ST18: variants seen among roughly 807,000 people sequenced by gnomAD.
ST18 encodes suppression of tumorigenicity 18 protein.
Under a neutral mutation model 110.0 loss-of-function variants are expected in ST18, and 50 were observed. That is an observed-to-expected ratio of 0.45 (90% CI 0.36 to 0.58). The LOEUF (loss-of-function observed/expected upper bound fraction) is 0.58. Ranked by LOEUF, ST18 falls within the 20% of genes least tolerant of loss-of-function variation. The pLI, the probability that ST18 is intolerant of heterozygous loss-of-function variation, is 0.00. For synonymous variants in ST18, 461 were observed against 452.4 expected (o/e 1.02, Z -0.24); for missense variants, 1,306 against 1,280.1 (o/e 1.02, Z -0.31).
At chr8:52,295,783 T>C (rs1175601598) in intron 2 of ST18, among the ~76,000 whole-genome samples, 1 of 151,232 alleles carries the variant, frequency 6.6e-6, no homozygotes, top group African/African-American at 2.4e-5. Context: ...AGAAAATAGT[T>C]TGTTGAAACT....
chr8:52,376,595 T>C (rs1344727426), intron 2 of ST18, among the ~76,000 whole-genome samples: 2 of 151,836 alleles, frequency 1.3e-5, no homozygotes, highest in South Asian at 4.1e-4. Context: ...GGTTCACTTA[T>C]TTATTACTGC....
At chr8:52,299,212 T>C (rs570081809) in intron 2 of ST18, among the ~76,000 whole-genome samples, 1 of 152,274 alleles carries the variant, frequency 6.6e-6, no homozygotes, top group East Asian at 1.9e-4. Flanking sequence ...ATGTGTAAAC[T>C]TCTCAGCCAT....
chr8:52,152,257 A>T (rs544973630), intron 15 of ST18, among the ~76,000 whole-genome samples: 204 of 152,310 alleles, frequency 1.3e-3, no homozygotes, highest in Non-Finnish European at 2.1e-3. Context: ...TAGATAGGCG[A>T]TCACACGTTT....
intron 2 of ST18, among the ~76,000 whole-genome samples, chr8:52,324,508 C>G (rs1306916620): frequency 6.6e-6 from 1 of 152,106 alleles, no homozygotes; most frequent in Non-Finnish European, 1.5e-5. Flanking sequence ...AGCAAAAAGA[C>G]AAGGCTCTCC....
chr8:52,265,762 T>C (rs2094847562), intron 2 of ST18, among the ~76,000 whole-genome samples: 1 of 152,164 alleles, frequency 6.6e-6, no homozygotes, highest in African/African-American at 2.4e-5. Context: ...AAGAATAAAA[T>C]TACTATTTGG....
intron 2 of ST18, among the ~76,000 whole-genome samples, chr8:52,267,646 C>T (rs982854168): frequency 1.4e-4 from 22 of 152,106 alleles, no homozygotes; most frequent in Non-Finnish European, 1.8e-4. Context: ...CAAAAAAGCA[C>T]GGTGGAATAA....
At chr8:52,165,093 C>T (rs2062517110) in intron 12 of ST18, 42 bp downstream of exon 12, 2 of 1,599,958 alleles carry the variant, frequency 1.3e-6, no homozygotes, top group African/African-American at 2.7e-5. Flanking sequence ...GTTTCTACCA[C>T]ATTTTTTAAA....
intron 2 of ST18, among the ~76,000 whole-genome samples, chr8:52,389,772 A>G (rs879796589): frequency 6.6e-6 from 1 of 152,190 alleles, no homozygotes; most frequent in Non-Finnish European, 1.5e-5. Flanking sequence ...GGTCACAGGA[A>G]GCTGCTCTCT....
intron 6 of ST18, 176 bp from the exon 7 acceptor site, chr8:52,214,433 G>A (rs570051784): frequency 3.8e-4 from 224 of 591,914 alleles, no homozygotes; most frequent in Admixed American, 8.1e-4. Context: ...ACCAGCTTTG[G>A]AAATACATCT....
intron 2 of ST18, among the ~76,000 whole-genome samples, chr8:52,266,978 A>C (rs1246655396): frequency 6.6e-6 from 1 of 152,098 alleles, no homozygotes; most frequent in Non-Finnish European, 1.5e-5. Flanking sequence ...ATTAAGCCTT[A>C]AGCTGGTGAA....
chr8:52,250,521 A>G (rs770334368), intron 2 of ST18, among the ~76,000 whole-genome samples: 3 of 151,282 alleles, frequency 2.0e-5, no homozygotes, highest in Non-Finnish European at 4.4e-5. Context: ...CCACAGTACA[A>G]GTAAATGCAT....
At chr8:52,153,166 A>G (rs1328332017) in intron 15 of ST18, among the ~76,000 whole-genome samples, 1 of 152,260 alleles carries the variant, frequency 6.6e-6, no homozygotes, top group Non-Finnish European at 1.5e-5. Flanking sequence ...TGAAGTAAAA[A>G]TAAAATTGGA....
At chr8:52,341,193 G>GTTCTGT (rs1487587678) in intron 2 of ST18, among the ~76,000 whole-genome samples, 1 of 152,112 alleles carries the variant, frequency 6.6e-6, no homozygotes, top group Admixed American at 6.6e-5. Flanking sequence ...AAAGTTTTGT[G>GTTCTGT]TTTTGTTTTT....
intron 24 of ST18, 50 bp from the exon 25 acceptor site, chr8:52,116,468 G>T: frequency 1.9e-6 from 3 of 1,565,130 alleles, no homozygotes; most frequent in Non-Finnish European, 2.6e-6. Flanking sequence ...TGGAAGGAGT[G>T]TAAAAGGTTT....
intron 2 of ST18, among the ~76,000 whole-genome samples, chr8:52,298,359 G>A (rs1383405765): frequency 6.6e-6 from 1 of 152,154 alleles, no homozygotes; most frequent in African/African-American, 2.4e-5. Context: ...ACTATAAAGG[G>A]ATGTTTCTGA....
At chr8:52,243,447 A>G (rs1176925550) in intron 2 of ST18, among the ~76,000 whole-genome samples, 3 of 152,144 alleles carry the variant, frequency 2.0e-5, no homozygotes, top group African/African-American at 4.8e-5. Flanking sequence ...TATATTGCTG[A>G]CACAGGTTTT....
At chr8:52,385,633 C>T (rs1836365965) in intron 2 of ST18, among the ~76,000 whole-genome samples, 1 of 151,528 alleles carries the variant, frequency 6.6e-6, no homozygotes, top group African/African-American at 2.4e-5. Flanking sequence ...AGCTTGGATT[C>T]CTGGGCCTCC....
intron 2 of ST18, among the ~76,000 whole-genome samples, chr8:52,387,817 T>G (rs1202223029): frequency 6.6e-6 from 1 of 152,156 alleles, no homozygotes; most frequent in Non-Finnish European, 1.5e-5. Context: ...AGAAAAGAAC[T>G]GGTTTGTGAA....
chr8:52,116,554 T>A (rs1339138290), intron 24 of ST18, 136 bp from the exon 25 acceptor site: 4 of 846,024 alleles, frequency 4.7e-6, no homozygotes, highest in Non-Finnish European at 7.1e-6. Flanking sequence ...CTTCTCAGCA[T>A]GAAGCTGCAG....
Sources: allele counts gnomAD v4.1 joint callset (sites outside exome capture counted in the v4.1 genomes callset), GRCh38; gene constraint gnomAD v4.1.1; transcripts MANE v1.5; gene names NCBI Gene and HGNC (gene_info 2026-07-23, HGNC 2026-07-21).